NRBP2: variants seen among roughly 807,000 people sequenced by gnomAD.
NRBP2 encodes the protein nuclear receptor binding protein 2.
NRBP2 carries 47 observed loss-of-function variants against 74.4 expected under a neutral mutation model. The ratio of observed to expected loss-of-function variants is 0.63; its 90% CI spans 0.50 to 0.81. The LOEUF is 0.81. Among genes scored for constraint, NRBP2 ranks in the 30% least tolerant of loss-of-function variants. The pLI is 0.00. For synonymous variants in NRBP2, 312 were observed against 273.8 expected (o/e 1.14, Z -1.38); for missense variants, 613 against 690.1 (o/e 0.89, Z 1.25).
At chr8:143,830,066 A>C (rs544627055), downstream of NRBP2, among the ~76,000 whole-genome samples, 49 of 152,378 alleles carry the variant, frequency 3.2e-4, no homozygotes, top group African/African-American at 1.2e-3. Flanking sequence ...CAGCTGCCTA[A>C]GGCCACAAGG....
chr8:143,839,109 G>C lies in NRBP2; in HGVS notation c.605-9C>G, dbSNP rs1245301117. On this transcript the variant is annotated splice_polypyrimidine_tract_variant and intron_variant, in intron 7 of 17. Transcript: ENST00000442628. The surrounding 1 kb of genome is among the most constrained non-coding windows in gnomAD (Gnocchi z 5.1). Reference sequence around the variant, plus strand: ...GAGATCATCTGGAAGTGCTGTGGGAGGGCGCAGAGCTGAGCGGGCGGGGAC... The same window carrying C: ...GAGATCATCTGGAAGTGCTGTGGGACGGCGCAGAGCTGAGCGGGCGGGGAC... The C allele has an allele frequency of 6.6e-7, 1 of 1,519,738 alleles. No individual in the cohort carries two copies. The highest frequency in any genetic ancestry group is 2.5e-5 in the East Asian group (1 of 40,694). The allele number at this position is 1,519,738 out of a possible 1,614,324, so 94.1% of individuals were successfully genotyped here. A position where few individuals can be genotyped will look rare whatever the true frequency, so the allele number is the denominator to read the frequency against.
chr8:143,836,103 GC>G (rs1818367681), intron 15 of NRBP2, 23 bp downstream of exon 15: 1 of 1,598,064 alleles, frequency 6.3e-7, no homozygotes, highest in Non-Finnish European at 8.5e-7. Context: ...CCACGGCAGC[GC>G]CGCCCTCCCA....
rs368008710 is a variant in NRBP2, at chr8:143,835,816, G to A, written c.1437+4C>T. Reference sequence around the variant, plus strand: ...GCCAGGCCGCGCCGCACCGCCCAGCGCACCTCGTGGAGGAAGCCATAGTGC... The same window carrying A: ...GCCAGGCCGCGCCGCACCGCCCAGCACACCTCGTGGAGGAAGCCATAGTGC... On this transcript the variant is annotated splice_donor_region_variant and intron_variant, in intron 17 of 17. Transcript: ENST00000442628. This position sits in a 1 kb window ranked among gnomAD's most constrained non-coding sequence, Gnocchi z 4.9. 5.7e-5 allele frequency: 92 copies of A among 1,600,084 alleles called. No homozygotes were observed. In the African/African-American group the frequency reaches 7.9e-4, roughly 14 times the overall value.
intron 14 of NRBP2, 102 bp downstream of exon 14, chr8:143,836,937 C>T (rs1415048376): frequency 7.4e-7 from 1 of 1,345,242 alleles, no homozygotes; most frequent in Admixed American, 2.2e-5. Context: ...AGGAGGAGAG[C>T]TGGGCTGTGG....
Position 143,840,856 on chromosome 8 carries a change from C to T in NRBP2, c.-22G>A, listed in dbSNP as rs1818663194. ...CCATGGTTCGGCCAGCCCAGGCCAC[C>T]GCCCTCTGCGCGATCCGCCGCCGGC... On this transcript the variant is annotated 5_prime_UTR_variant, in exon 1 of 18. Coordinates refer to ENST00000442628, the MANE Select transcript of NRBP2 (RefSeq NM_178564.4). This position sits in a 1 kb window ranked among gnomAD's most constrained non-coding sequence, Gnocchi z 5.7. 2.3e-6 allele frequency: 3 copies of T among 1,323,526 alleles called. No individual in the cohort carries two copies. Among genetic ancestry groups the T allele is most frequent in the Admixed American group, 4.0e-5 (1 of 24,922 alleles). 82.0% of individuals were successfully genotyped at this position (1,323,526 alleles called of 1,614,324 possible).
At position 143,837,157 on chromosome 8, in the gene NRBP2, A is replaced by G; in HGVS notation, c.1145T>C (p.Leu382Pro). 1 of 1,612,880 alleles carries G rather than the reference A, an allele frequency of 6.2e-7. No individual in the cohort carries two copies. Among genetic ancestry groups the G allele is most frequent in the Non-Finnish European group, 8.5e-7 (1 of 1,179,194 alleles). The change falls in exon 14 of 18, where the codon CTG (leucine) becomes CCG (proline). Residue 382 changes from leucine to proline, a missense_variant. Around this residue, in one of 2 missense-constraint regions of NRBP2, gnomAD observed 281 missense variants for 260.9 expected, o/e 1.08. Transcript: ENST00000442628. This position sits in a 1 kb window ranked among gnomAD's most constrained non-coding sequence, Gnocchi z 4.3. Reference sequence around the variant, plus strand: ...GGGTCGAGTGGCTGCAAAGTTCATCAGTGGGTAGATTCCATTCCTGGGGAC... The same window carrying G: ...GGGTCGAGTGGCTGCAAAGTTCATCGGTGGGTAGATTCCATTCCTGGGGAC... The part of the protein sequence containing the change: ...LEDVRNGIYP[L>P]MNFAATRPLG...
chr8:143,840,296 C>G lies in NRBP2; in HGVS notation c.130-67G>C. The G allele has an allele frequency of 6.6e-7, 1 of 1,518,910 alleles. No homozygotes were observed. Among genetic ancestry groups the G allele is most frequent in the East Asian group, 2.5e-5 (1 of 40,726 alleles). The allele number at this position is 1,518,910 out of a possible 1,614,324, so 94.1% of individuals were successfully genotyped here. On this transcript the variant is annotated intron_variant, in intron 1 of 17. Transcript: ENST00000442628. The surrounding 1 kb of genome is among the most constrained non-coding windows in gnomAD (Gnocchi z 5.7). ...AGGGTTGTGGGTGAGGATTTGGTCCCTGTCCACACCTTTCCAGTGGGCCCA... is the reference window on the plus strand; with the variant it reads ...AGGGTTGTGGGTGAGGATTTGGTCCGTGTCCACACCTTTCCAGTGGGCCCA...
chr8:143,837,440 A>G lies in NRBP2; in HGVS notation c.1043T>C (p.Leu348Pro), dbSNP rs782008433. The G allele has an allele frequency of 3.7e-5, 60 of 1,608,594 alleles. No homozygotes were observed. The highest frequency in any genetic ancestry group is 4.8e-5 in the Non-Finnish European group (57 of 1,178,502). ...AMDLHAVLAE[L>P]PRPRRPPLQW... ...CAGCGGGGGCCTGCGGGGCCGGGGA[A>G]GCTCCGCCAAGACCGCGTGCAGGTC... Residue 348 changes from leucine (L) to proline (P), a missense_variant, in exon 12 of 18, where the codon CTT (leucine) becomes CCT (proline). By Grantham distance (98) the Leu-to-Pro change is moderately conservative. Coordinates refer to ENST00000442628, the MANE Select transcript of NRBP2 (RefSeq NM_178564.4). The surrounding 1 kb of genome is among the most constrained non-coding windows in gnomAD (Gnocchi z 4.3).
In NRBP2 at chr8:143,833,855, A is replaced by G. The variant is rs577150541; in HGVS notation, c.*1807T>C. The G allele has an allele frequency of 1.3e-5, 2 of 152,360 alleles. No individual in the cohort carries two copies. The highest frequency in any genetic ancestry group is 4.1e-4 in the South Asian group (2 of 4,832). 9.4% of individuals were successfully genotyped at this position (152,360 alleles called of 1,614,324 possible). On this transcript the variant is annotated 3_prime_UTR_variant, in exon 18 of 18. Transcript: ENST00000442628. ...TAGCATGAGGGTTTCCATCTAGGAT[A>G]TGGAAATTACTTTAGATTGCTAATT...
rs1554651380 is a variant in NRBP2, at chr8:143,835,754, G to A, written c.1438-24C>T. 6.3e-7 allele frequency: 1 copy of A among 1,595,982 alleles called. No individual in the cohort carries two copies. The highest frequency in any genetic ancestry group is 1.7e-4 in the Middle Eastern group (1 of 5,980). Reference sequence around the variant, plus strand: ...TCCTGCGGAAGGAGGGAGGCATGGGGGACGGAGGGGCGCGGCCTGCCCCGT... The same window carrying A: ...TCCTGCGGAAGGAGGGAGGCATGGGAGACGGAGGGGCGCGGCCTGCCCCGT... On this transcript the variant is annotated intron_variant, in intron 17 of 17. Transcript: ENST00000442628. This position sits in a 1 kb window ranked among gnomAD's most constrained non-coding sequence, Gnocchi z 4.9.
Position 143,836,112 on chromosome 8 carries a change from C to T in NRBP2, c.1317+15G>A, listed in dbSNP as rs370922962. The T allele has an allele frequency of 5.4e-4, 872 of 1,601,196 alleles. 7 individuals are homozygous for T. In the South Asian group the frequency reaches 9.0e-3, roughly 17 times the overall value. On this transcript the variant is annotated intron_variant, in intron 15 of 17. Coordinates refer to ENST00000442628, the MANE Select transcript of NRBP2 (RefSeq NM_178564.4). ...CCTTCCCCACGGCAGCGCCGCCCTC[C>T]CAGGCCCCGCTCACATGCCAGCGCG...
Position 143,834,780 on chromosome 8 carries a change from G to A in NRBP2, c.*882C>T, listed in dbSNP as rs1389803497. On this transcript the variant is annotated 3_prime_UTR_variant, in exon 18 of 18. Transcript: ENST00000442628. ...AGGGCATAGAAATCTCTAAGACTGA[G>A]CCAGGAGTGGAGTGGGAGAGAGGCA... 6.6e-6 allele frequency: 1 copy of A among 152,444 alleles called. No individual in the cohort carries two copies. The highest frequency in any genetic ancestry group is 1.5e-5 in the Non-Finnish European group (1 of 68,170). 9.4% of individuals were successfully genotyped at this position (152,444 alleles called of 1,614,324 possible).
In NRBP2 at chr8:143,837,441, G is replaced by T; in HGVS notation, c.1042C>A (p.Leu348Ile). The T allele has an allele frequency of 6.2e-7, 1 of 1,608,686 alleles. No homozygotes were observed. The highest frequency in any genetic ancestry group is 8.5e-7 in the Non-Finnish European group (1 of 1,178,522). The change falls in exon 12 of 18, where the codon CTT becomes ATT. Residue 348 changes from leucine to isoleucine, a missense_variant. Coordinates refer to ENST00000442628, the MANE Select transcript of NRBP2 (RefSeq NM_178564.4). This position sits in a 1 kb window ranked among gnomAD's most constrained non-coding sequence, Gnocchi z 4.3. ...AMDLHAVLAE[L>I]PRPRRPPLQW... ...AGCGGGGGCCTGCGGGGCCGGGGAAGCTCCGCCAAGACCGCGTGCAGGTCC... is the reference window on the plus strand; with the variant it reads ...AGCGGGGGCCTGCGGGGCCGGGGAATCTCCGCCAAGACCGCGTGCAGGTCC...
chr8:143,838,216 G>A, intron 10 of NRBP2: 1 of 379,666 alleles, frequency 2.6e-6, no homozygotes, highest in South Asian at 2.3e-5. Context: ...AGCAGAGGGG[G>A]CTGTGGATGC....
rs148533155 is a variant in NRBP2 at position 143,837,645 on chromosome 8, G to A, written c.951C>T (p.Ala317=). ...CACACTGGTGCTGGATGAAGCAGTG[G>A]GCTGCCAGGAGCTTCAGCGAGTGCA... ...FEVHSLKLLA[A]HCFIQHQYLM... The change falls in exon 11 of 18, where the codon GCC becomes GCT. Residue 317 remains alanine, a synonymous_variant. Coordinates refer to ENST00000442628, the MANE Select transcript of NRBP2 (RefSeq NM_178564.4). The surrounding 1 kb of genome is among the most constrained non-coding windows in gnomAD (Gnocchi z 4.3). 11 of 1,599,292 alleles carry A rather than the reference G, an allele frequency of 6.9e-6. No homozygotes were observed. The highest frequency in any genetic ancestry group is 9.4e-6 in the Non-Finnish European group (11 of 1,173,256).
In NRBP2 at chr8:143,835,701, C is replaced by T. The variant is rs1818333162; in HGVS notation, c.1467G>A (p.Leu489=). The T allele has an allele frequency of 6.2e-7, 1 of 1,600,796 alleles. No individual in the cohort carries two copies. The highest frequency in any genetic ancestry group is 1.3e-5 in the African/African-American group (1 of 74,306). Residue 489 remains leucine (L), a synonymous_variant, in exon 18 of 18, where the codon CTG becomes CTA. Coordinates refer to ENST00000442628, the MANE Select transcript of NRBP2 (RefSeq NM_178564.4). This position sits in a 1 kb window ranked among gnomAD's most constrained non-coding sequence, Gnocchi z 4.9. ...CACGGTACTTGAGGAAGGTGCTCTCCAGGAAGGCGGCCAGCTTCATCCGGT... is the reference window on the plus strand; with the variant it reads ...CACGGTACTTGAGGAAGGTGCTCTCTAGGAAGGCGGCCAGCTTCATCCGGT... ...EDDRMKLAAF[L]ESTFLKYRGT...
chr8:143,834,198 A>T lies in NRBP2; in HGVS notation c.*1464T>A, dbSNP rs1385594193. 6.6e-6 allele frequency: 1 copy of T among 152,242 alleles called. No individual in the cohort carries two copies. Among genetic ancestry groups the T allele is most frequent in the Non-Finnish European group, 1.5e-5 (1 of 68,050 alleles). 9.4% of individuals were successfully genotyped at this position (152,242 alleles called of 1,614,324 possible). A position where few individuals can be genotyped will look rare whatever the true frequency, so the allele number is the denominator to read the frequency against. On this transcript the variant is annotated 3_prime_UTR_variant, in exon 18 of 18. Coordinates refer to ENST00000442628, the MANE Select transcript of NRBP2 (RefSeq NM_178564.4). Reference sequence around the variant, plus strand: ...ATCTGGCTGGGCCCAACCTAATCTCATGAGTCCTTAGGGACAACCTTTCCT... The same window carrying T: ...ATCTGGCTGGGCCCAACCTAATCTCTTGAGTCCTTAGGGACAACCTTTCCT...
At position 143,837,446 on chromosome 8, in the gene NRBP2, G is replaced by A. The variant is rs1270863546; in HGVS notation, c.1037C>T (p.Ala346Val). The A allele has an allele frequency of 1.4e-5, 22 of 1,608,908 alleles. No homozygotes were observed. The highest frequency in any genetic ancestry group is 2.7e-5 in the African/African-American group (2 of 74,856). ...GGGCCTGCGGGGCCGGGGAAGCTCC[G>A]CCAAGACCGCGTGCAGGTCCATGGC... ...TKAMDLHAVL[A>V]ELPRPRRPPL... The change falls in exon 12 of 18, where the codon GCG (alanine) becomes GTG (valine). Residue 346 changes from alanine to valine, a missense_variant. This residue lies in a region of NRBP2 where 281 missense variants were observed against 260.9 expected (regional missense o/e 1.08). Transcript: ENST00000442628. This position sits in a 1 kb window ranked among gnomAD's most constrained non-coding sequence, Gnocchi z 4.3.
In NRBP2 at chr8:143,837,906, A is replaced by G. The variant is rs1818498970; in HGVS notation, c.841-151T>C. ...GCCCATAGGGAGGAGTCCCAGCAGCAGCAGCCAGGCCAGGACCTGGTCCTC... is the reference window on the plus strand; with the variant it reads ...GCCCATAGGGAGGAGTCCCAGCAGCGGCAGCCAGGCCAGGACCTGGTCCTC... On this transcript the variant is annotated intron_variant, in intron 10 of 17. Transcript: ENST00000442628. This position sits in a 1 kb window ranked among gnomAD's most constrained non-coding sequence, Gnocchi z 4.3. 2 of 939,002 alleles carry G rather than the reference A, an allele frequency of 2.1e-6. No homozygotes were observed. The highest frequency in any genetic ancestry group is 4.0e-5 in the Admixed American group (2 of 50,284). 58.2% of individuals were successfully genotyped at this position (939,002 alleles called of 1,614,324 possible). A position where few individuals can be genotyped will look rare whatever the true frequency, so the allele number is the denominator to read the frequency against.
Sources: allele counts gnomAD v4.1 joint callset (sites outside exome capture counted in the v4.1 genomes callset), GRCh38; gene constraint gnomAD v4.1.1; regional missense constraint gnomAD v4.1.1; non-coding constraint Gnocchi (gnomAD v3.1); transcripts MANE v1.5; gene names NCBI Gene and HGNC (gene_info 2026-07-23, HGNC 2026-07-21).